FMN1: variants seen among roughly 807,000 people sequenced by gnomAD.
The protein encoded by FMN1 is formin 1, also known as formin-1.
In FMN1, 110 loss-of-function variants were observed where a neutral mutation model predicts 132.4. The ratio of observed to expected loss-of-function variants is 0.83; its 90% CI spans 0.71 to 0.97. The LOEUF (loss-of-function observed/expected upper bound fraction) is 0.97. Ranked by LOEUF, FMN1 falls within the 50% of genes least tolerant of loss-of-function variation. The pLI is 0.00. For synonymous variants in FMN1, 722 were observed against 651.7 expected, an observed-to-expected ratio of 1.11 and a Z score of -1.64; for missense variants, 1,792 against 1,705.3, an observed-to-expected ratio of 1.05 and a Z score of -0.90.
intron 6 of FMN1, among the ~76,000 whole-genome samples, chr15:33,052,532 A>C (rs1242907096): frequency 6.6e-6 from 1 of 152,142 alleles, no homozygotes; most frequent in African/African-American, 2.4e-5. Flanking sequence ...TCTGATGTCA[A>C]CTGGGTGTCC....
chr15:32,840,372 A>ATC (rs1009761202), intron 17 of FMN1, among the ~76,000 whole-genome samples: 5 of 152,190 alleles, frequency 3.3e-5, no homozygotes, highest in Admixed American at 1.3e-4. Flanking sequence ...TTATTTGAAT[A>ATC]TCTAGCTCCA....
At chr15:32,883,502 C>G (rs1029414028) in intron 16 of FMN1, among the ~76,000 whole-genome samples, 1 of 66,398 alleles carries the variant, frequency 1.5e-5, no homozygotes, top group Non-Finnish European at 2.8e-5. Context: ...AGAGCAAGAA[C>G]CTATCTCAAA....
chr15:32,997,154 G>A (rs1025019295), intron 7 of FMN1, among the ~76,000 whole-genome samples: 13 of 152,100 alleles, frequency 8.5e-5, no homozygotes, highest in Non-Finnish European at 1.5e-4. Flanking sequence ...TCCTCAAACT[G>A]GGCTCAGGAC....
rs57504432 is a variant in FMN1, at chr15:33,075,020, C to CAAAAAAAAAAAA, written c.2044-9958_2044-9947dup. Among the ~76,000 whole-genome samples the CAAAAAAAAAAAA allele has an allele frequency of 6.0e-4, 37 of 61,682 alleles. 4 individuals carry two copies. Among genetic ancestry groups the CAAAAAAAAAAAA allele is most frequent in the Non-Finnish European group, 8.2e-4 (29 of 35,296 alleles). 40.5% of individuals were successfully genotyped at this position (61,682 alleles called of 152,430 possible). A position where few individuals can be genotyped will look rare whatever the true frequency, so the allele number is the denominator to read the frequency against. ...TGGGCAACTGAGCAAGATTCCATCT[C>CAAAAAAAAAAAA]AAAAAAAAAAAAAAAAAAAAAAAAA... is the stretch of plus-strand genomic sequence containing the variant. On this transcript the variant is annotated intron_variant, in intron 5 of 20. Coordinates refer to ENST00000616417, the MANE Select transcript of FMN1 (RefSeq NM_001277313.2).
At chr15:33,120,860 T>A (rs1392061772) in intron 4 of FMN1, among the ~76,000 whole-genome samples, 1 of 152,330 alleles carries the variant, frequency 6.6e-6, no homozygotes, top group African/African-American at 2.4e-5. Flanking sequence ...TCCATTTTTT[T>A]ACAAGCTCTC....
intron 2 of FMN1, among the ~76,000 whole-genome samples, chr15:33,182,098 G>C (rs917044302): frequency 6.6e-6 from 1 of 152,166 alleles, no homozygotes; most frequent in Non-Finnish European, 1.5e-5. Context: ...GAAGCCAGTC[G>C]GGAGGTTAGT....
intron 9 of FMN1, among the ~76,000 whole-genome samples, chr15:32,950,678 G>A (rs1047812232): frequency 1.3e-5 from 2 of 152,072 alleles, no homozygotes; most frequent in East Asian, 1.9e-4. Context: ...ACATACACTG[G>A]GGCCTATTAG....
chr15:33,023,070 AAAAAAAAG>A (rs2035494244), intron 6 of FMN1, among the ~76,000 whole-genome samples: 2 of 69,148 alleles, frequency 2.9e-5, no homozygotes, highest in Non-Finnish European at 7.0e-5. Context: ...AAAAAAAAAA[AAAAAAAAG>A]AAAAAAAAGA....
chr15:33,015,644 G>A (rs995617960), intron 6 of FMN1, among the ~76,000 whole-genome samples: 1 of 151,900 alleles, frequency 6.6e-6, no homozygotes, highest in Non-Finnish European at 1.5e-5. Context: ...TCCGGCCTGT[G>A]CCTCTCACTG....
intron 6 of FMN1, among the ~76,000 whole-genome samples, chr15:33,013,412 A>T (rs755332921): frequency 5.3e-5 from 8 of 152,138 alleles, no homozygotes; most frequent in Admixed American, 1.3e-4. Context: ...TTTTATTTTT[A>T]AAAAAAGAAA....
chr15:33,119,580 A>G lies in FMN1; in HGVS notation c.1868-30606T>C, dbSNP rs548949981. On this transcript the variant is annotated intron_variant, in intron 4 of 20. Coordinates refer to ENST00000616417, the MANE Select transcript of FMN1 (RefSeq NM_001277313.2). ...ATTAATGATAAAACTTTCTGTAAAA[A>G]ACCAGCACTATTCTTGAAGAGCTTG... Among the ~76,000 whole-genome samples, 161 of 152,298 alleles carry G rather than the reference A, an allele frequency of 1.1e-3. 1 individual carries two copies. Among genetic ancestry groups the G allele is most frequent in the African/African-American group, 3.7e-3 (154 of 41,554 alleles).
chr15:32,946,735 G>C (rs979071632), intron 9 of FMN1, among the ~76,000 whole-genome samples: 2 of 152,194 alleles, frequency 1.3e-5, no homozygotes, highest in African/African-American at 4.8e-5. Context: ...CCTAGGTATA[G>C]CTGTGGGAGG....
intron 16 of FMN1, among the ~76,000 whole-genome samples, chr15:32,879,180 C>A (rs1426054854): frequency 6.6e-6 from 1 of 152,164 alleles, no homozygotes; most frequent in Non-Finnish European, 1.5e-5. Flanking sequence ...AATACTTATC[C>A]CAGTTCCTTA....
intron 9 of FMN1, among the ~76,000 whole-genome samples, chr15:32,936,431 C>G (rs991753439): frequency 6.6e-6 from 1 of 152,246 alleles, no homozygotes; most frequent in Non-Finnish European, 1.5e-5. Context: ...ATTCTCTGGA[C>G]TTACGTATGT....
intron 10 of FMN1, among the ~76,000 whole-genome samples, chr15:32,917,539 A>G (rs1253922718): frequency 2.0e-5 from 3 of 152,200 alleles, no homozygotes; most frequent in East Asian, 1.9e-4. Flanking sequence ...TGTACCAGGC[A>G]TTGTTCTAAG....
intron 16 of FMN1, among the ~76,000 whole-genome samples, chr15:32,872,165 CAG>C (rs1344074208): frequency 1.3e-5 from 2 of 152,058 alleles, no homozygotes; most frequent in Admixed American, 6.5e-5. Context: ...ATCAAACACT[CAG>C]AGTTTTGTAA....
intron 15 of FMN1, among the ~76,000 whole-genome samples, chr15:32,888,928 G>A (rs559388306): frequency 2.7e-5 from 4 of 149,606 alleles, no homozygotes; most frequent in African/African-American, 9.9e-5. Context: ...ACACAATCAC[G>A]GTTCACTGCA....
intron 9 of FMN1, among the ~76,000 whole-genome samples, chr15:32,954,342 G>C (rs2061716937): frequency 6.6e-6 from 1 of 152,166 alleles, no homozygotes; most frequent in Non-Finnish European, 1.5e-5. Context: ...ATTAGGCCTG[G>C]ATCTGAGCGC....
chr15:33,115,846 T>C (rs2039902980), intron 4 of FMN1, among the ~76,000 whole-genome samples: 1 of 152,172 alleles, frequency 6.6e-6, no homozygotes, highest in Admixed American at 6.6e-5. Flanking sequence ...GAGATTTTAT[T>C]AACCTTAGCA....
Sources: allele counts gnomAD v4.1 joint callset (sites outside exome capture counted in the v4.1 genomes callset), GRCh38; gene constraint gnomAD v4.1.1; transcripts MANE v1.5; gene names NCBI Gene and HGNC (gene_info 2026-07-23, HGNC 2026-07-21).